AMBRA1: variants seen among roughly 807,000 people sequenced by gnomAD.
AMBRA1 encodes the protein autophagy and beclin 1 regulator 1.
Under a neutral mutation model 125.4 loss-of-function variants are expected in AMBRA1, and 47 were observed. That is an observed-to-expected ratio of 0.37 (90% CI 0.30 to 0.48). AMBRA1 has a LOEUF of 0.48. Ranked by LOEUF, AMBRA1 falls within the 20% of genes least tolerant of loss-of-function variation. AMBRA1 has a pLI of 0.99. For synonymous variants in AMBRA1, 626 were observed against 655.5 expected (o/e 0.95, Z 0.69); for missense variants, 1,331 against 1,693.4 (o/e 0.79, Z 3.76).
chr11:46,473,781 G>A (rs1005069270), intron 11 of AMBRA1, among the ~76,000 whole-genome samples: 7 of 152,202 alleles, frequency 4.6e-5, no homozygotes, highest in Non-Finnish European at 7.3e-5. Flanking sequence ...CTCCCAAGTA[G>A]CTGGCACTAC....
At chr11:46,480,917 G>A (rs1950039299) in intron 11 of AMBRA1, among the ~76,000 whole-genome samples, 1 of 152,164 alleles carries the variant, frequency 6.6e-6, no homozygotes, top group African/African-American at 2.4e-5. Context: ...CTTAAAGAGG[G>A]ATCTCTAACC....
chr11:46,531,310 G>A (rs923567220), intron 7 of AMBRA1, among the ~76,000 whole-genome samples: 4 of 152,236 alleles, frequency 2.6e-5, no homozygotes, highest in African/African-American at 9.6e-5. Flanking sequence ...TTTACAAAAA[G>A]CTTGCCAATG....
At chr11:46,512,142 C>T (rs998710339) in intron 8 of AMBRA1, among the ~76,000 whole-genome samples, 1 of 152,260 alleles carries the variant, frequency 6.6e-6, no homozygotes, top group African/African-American at 2.4e-5. Flanking sequence ...AGGCGTGAGC[C>T]ACCATGCCCA....
At chr11:46,547,364 G>A (rs1157648071) in intron 3 of AMBRA1, 68 bp from the exon 4 acceptor site, 1 of 1,415,784 alleles carries the variant, frequency 7.1e-7, no homozygotes, top group African/African-American at 1.4e-5. Flanking sequence ...ATCAACTTTG[G>A]ACGACATAGA....
rs769719007 is a variant in AMBRA1 at position 46,408,675 on chromosome 11, C to G, written c.3241G>C (p.Asp1081His). Residue 1081 changes from aspartate (D) to histidine (H), a missense_variant, in exon 17 of 18, where the codon GAC (aspartate) becomes CAC (histidine). This residue lies in a region of AMBRA1 where 354 missense variants were observed against 532.7 expected (regional missense o/e 0.66). Coordinates refer to ENST00000683756, the MANE Select transcript of AMBRA1 (RefSeq NM_001387011.1). ...CCAATGGCATTCATCAGCCCCATGTCTCTGTCTGTCCTCCATGTGGCTCTG... is the reference window on the plus strand; with the variant it reads ...CCAATGGCATTCATCAGCCCCATGTGTCTGTCTGTCCTCCATGTGGCTCTG... Reference protein sequence around the residue: ...TSRATWRTDRDMGLMNAIGLQ... With the variant: ...TSRATWRTDRHMGLMNAIGLQ... 9.5e-6 allele frequency: 15 copies of G among 1,576,738 alleles called. No homozygotes were observed. In the Admixed American group the frequency reaches 2.7e-4, roughly 28 times the overall value.
chr11:46,432,093 T>A (rs1216242485), intron 14 of AMBRA1, among the ~76,000 whole-genome samples: 2 of 152,140 alleles, frequency 1.3e-5, no homozygotes, highest in Non-Finnish European at 2.9e-5. Context: ...CTACTAAGTG[T>A]CAGGTTCCGC....
At chr11:46,506,271 T>G (rs1951032125) in intron 9 of AMBRA1, among the ~76,000 whole-genome samples, 1 of 152,202 alleles carries the variant, frequency 6.6e-6, no homozygotes, top group Non-Finnish European at 1.5e-5. Flanking sequence ...GAGAGAACCA[T>G]GACCTCTGCT....
At chr11:46,422,654 C>A (rs1393815126) in intron 14 of AMBRA1, among the ~76,000 whole-genome samples, 1 of 152,042 alleles carries the variant, frequency 6.6e-6, no homozygotes, top group African/African-American at 2.4e-5. Flanking sequence ...GGTATTGCAG[C>A]CCTCAACAAG....
At chr11:46,441,053 A>T (rs1484047568) in intron 12 of AMBRA1, among the ~76,000 whole-genome samples, 1 of 152,222 alleles carries the variant, frequency 6.6e-6, no homozygotes, top group African/African-American at 2.4e-5. Context: ...TTTTGCTAAC[A>T]ATCTGACAGA....
At chr11:46,450,046 G>C (rs1263368107) in intron 11 of AMBRA1, among the ~76,000 whole-genome samples, 1 of 146,140 alleles carries the variant, frequency 6.8e-6, no homozygotes, top group South Asian at 2.2e-4. Flanking sequence ...GCAACAGAGC[G>C]AGACTGTCTC....
chr11:46,543,330 CAGG>C lies in AMBRA1; in HGVS notation c.684_686del (p.Leu229del), dbSNP rs1201753217. The stretch of plus-strand genomic sequence containing the variant: ...GCGTCCGGCGAACTGGCTGTGATTG[CAGG>C]AGGGCACGCTGACGGTAGTGGGATA... On this transcript the variant is annotated inframe_deletion, in exon 7 of 18. Transcript: ENST00000683756. 31 of 1,613,980 alleles carry C rather than the reference CAGG, an allele frequency of 1.9e-5. No individual in the cohort carries two copies. Among genetic ancestry groups the C allele is most frequent in the Non-Finnish European group, 2.5e-5 (30 of 1,179,970 alleles).
At chr11:46,422,864 ATCT>A (rs1946916601) in intron 14 of AMBRA1, among the ~76,000 whole-genome samples, 1 of 152,202 alleles carries the variant, frequency 6.6e-6, no homozygotes, top group Admixed American at 6.5e-5. Context: ...CAGTTGGCAG[ATCT>A]TCTTTAAGAC....
chr11:46,413,326 C>T (rs1946382294), intron 15 of AMBRA1, among the ~76,000 whole-genome samples: 1 of 152,230 alleles, frequency 6.6e-6, no homozygotes, highest in African/African-American at 2.4e-5. Context: ...TTTCTGCTCC[C>T]CACAAACAGG....
chr11:46,470,581 T>C (rs1590889155), intron 11 of AMBRA1, among the ~76,000 whole-genome samples: 1 of 106,744 alleles, frequency 9.4e-6, no homozygotes, highest in Non-Finnish European at 1.7e-5. Flanking sequence ...AGAGTGAGAC[T>C]CCGTCTCAAA....
chr11:46,483,791 G>C (rs971271216), intron 11 of AMBRA1, among the ~76,000 whole-genome samples: 1 of 152,060 alleles, frequency 6.6e-6, no homozygotes, highest in Non-Finnish European at 1.5e-5. Flanking sequence ...TCCCAGCTTC[G>C]GGAGGCTGAG....
chr11:46,515,019 G>T (rs1951415357), intron 7 of AMBRA1, among the ~76,000 whole-genome samples: 1 of 152,160 alleles, frequency 6.6e-6, no homozygotes, highest in Admixed American at 6.5e-5. Flanking sequence ...TGGAAGCAAG[G>T]TCTGGGAGCA....
At chr11:46,581,151 A>C (rs1169763451) in intron 1 of AMBRA1, among the ~76,000 whole-genome samples, 1 of 152,052 alleles carries the variant, frequency 6.6e-6, no homozygotes, top group Non-Finnish European at 1.5e-5. Flanking sequence ...TAAAACCTTC[A>C]AAATCTTCTA....
intron 1 of AMBRA1, among the ~76,000 whole-genome samples, chr11:46,571,756 C>T (rs1185522985): frequency 7.0e-6 from 1 of 142,194 alleles, no homozygotes; most frequent in Non-Finnish European, 1.5e-5. Flanking sequence ...GTGGCGTGAT[C>T]TCAGCTCAAT....
At chr11:46,564,010 G>A (rs2043428553) in intron 1 of AMBRA1, among the ~76,000 whole-genome samples, 1 of 151,814 alleles carries the variant, frequency 6.6e-6, no homozygotes, top group Admixed American at 6.6e-5. Context: ...CAGGCATGGT[G>A]GCGCATGCCT....
Sources: allele counts gnomAD v4.1 joint callset (sites outside exome capture counted in the v4.1 genomes callset), GRCh38; gene constraint gnomAD v4.1.1; regional missense constraint gnomAD v4.1.1; transcripts MANE v1.5; gene names NCBI Gene and HGNC (gene_info 2026-07-23, HGNC 2026-07-21).